Variants in MAP3K15 observed in about 807,000 individuals in gnomAD.
The protein encoded by MAP3K15 is MAPK/ERK kinase kinase 15.
In MAP3K15, 124 loss-of-function variants were observed where a neutral mutation model predicts 99.5. The observed-to-expected ratio is 1.25, with a 90% CI of 1.08 to 1.45. The LOEUF (loss-of-function observed/expected upper bound fraction) is 1.45. MAP3K15 is among the 40% of genes most tolerant of loss of function. MAP3K15 has a pLI of 0.00. For synonymous variants in MAP3K15, 494 were observed against 439.6 expected (o/e 1.12, Z -1.55); for missense variants, 1,242 against 1,079.7 (o/e 1.15, Z -2.11).
At chrX:19,400,926 G>A (rs763651354) in intron 13 of MAP3K15, among the ~76,000 whole-genome samples, 1 of 111,395 alleles carries the variant, frequency 9.0e-6, no homozygotes, top group African/African-American at 3.3e-5. Context: ...CAGCAACAGA[G>A]AACTCATTAC....
At chrX:19,481,456 C>T (rs58497637) in intron 3 of MAP3K15, among the ~76,000 whole-genome samples, 1,723 of 111,083 alleles carry the variant, frequency 0.016, 40 homozygotes, top group African/African-American at 0.053. Context: ...AGTCATACTT[C>T]ATGACCTTGG....
intron 6 of MAP3K15, among the ~76,000 whole-genome samples, chrX:19,452,925 C>T (rs1019548983): frequency 1.6e-4 from 18 of 110,338 alleles, no homozygotes; most frequent in African/African-American, 6.0e-4. Context: ...TCCAATGTGG[C>T]CCAGGGAAGC....
At chrX:19,378,003 C>T (rs892043367) in intron 19 of MAP3K15, among the ~76,000 whole-genome samples, 39 of 112,022 alleles carry the variant, frequency 3.5e-4, no homozygotes, top group African/African-American at 1.2e-3. Context: ...AGAGAGCAGC[C>T]AAGGCACCCA....
chrX:19,388,557 A>T (rs1345607878), intron 18 of MAP3K15, among the ~76,000 whole-genome samples: 3 of 112,419 alleles, frequency 2.7e-5, no homozygotes, highest in Admixed American at 9.4e-5. Flanking sequence ...TGCACTTGCT[A>T]TGTGCCAGGG....
intron 1 of MAP3K15, 137 bp from the exon 2 acceptor site, chrX:19,489,104 G>T: frequency 1.7e-6 from 1 of 574,276 alleles, no homozygotes; most frequent in Non-Finnish European, 2.6e-6. Flanking sequence ...GGAATGATTT[G>T]ATTAAAATTA....
In MAP3K15 at chrX:19,400,473, A is replaced by C. The variant is rs1158085522; in HGVS notation, c.1932+103T>G. 7.2e-6 allele frequency: 4 copies of C among 556,454 alleles called. No individual in the cohort carries two copies. The Admixed American group carries it at 1.3e-4, about 18-fold the overall frequency. The allele number at this position is 556,454 out of a possible 1,213,427, so 45.9% of individuals were successfully genotyped here. On this transcript the variant is annotated intron_variant, in intron 14 of 28. Coordinates refer to ENST00000338883, the MANE Select transcript of MAP3K15 (RefSeq NM_001001671.4). ...ATGCAGTGATGGCTGGCAGGTTCAT[A>C]AAACATACTCAACAGAGGATTTTTA...
intron 11 of MAP3K15, among the ~76,000 whole-genome samples, chrX:19,411,316 A>T (rs183449715): frequency 3.1e-3 from 350 of 112,657 alleles, no homozygotes; most frequent in African/African-American, 0.011. Context: ...GAATAGGCAC[A>T]TGACTAGTTT....
At chrX:19,421,544 G>A (rs916345538) in intron 9 of MAP3K15, among the ~76,000 whole-genome samples, 2 of 110,604 alleles carry the variant, frequency 1.8e-5, no homozygotes, top group Non-Finnish European at 3.8e-5. Flanking sequence ...ACAAGGAAAC[G>A]GAAGAACTTT....
intron 9 of MAP3K15, among the ~76,000 whole-genome samples, chrX:19,423,922 C>A (rs1028007811): frequency 3.6e-5 from 4 of 111,442 alleles, no homozygotes; most frequent in African/African-American, 1.3e-4. Context: ...CCAATAAAAA[C>A]CCTGGACATT....
chrX:19,504,663 A>C (rs2064463468), intron 1 of MAP3K15, among the ~76,000 whole-genome samples: 1 of 112,150 alleles, frequency 8.9e-6, no homozygotes, highest in Admixed American at 9.5e-5. Context: ...ATTTAATGCC[A>C]AAGGAAAAAG....
intron 15 of MAP3K15, among the ~76,000 whole-genome samples, chrX:19,397,282 T>A (rs2063573758): frequency 9.0e-6 from 1 of 111,153 alleles, no homozygotes; most frequent in Admixed American, 9.6e-5. Flanking sequence ...CAGTCCAAAA[T>A]CCATGTGTGA....
chrX:19,363,537 A>C (rs2063312075), intron 25 of MAP3K15, among the ~76,000 whole-genome samples: 1 of 112,324 alleles, frequency 8.9e-6, no homozygotes, highest in African/African-American at 3.2e-5. Context: ...TGATTATTTA[A>C]ACCTGGCTCC....
rs1602256487 is a variant in MAP3K15 at position 19,380,233 on chromosome X, GA to G, written c.2475del (p.Arg826AlafsTer78). The stretch of plus-strand genomic sequence containing the variant: ...ATATCGGCTGGGGCACCATATCCGC[GA>G]GGCCCTTGGTCAATTATCTCAGGTG... The part of the protein sequence containing the change: ...YMAPEIIDQG[P>X]RGYGAPADIW... On this transcript the variant is annotated frameshift_variant, in exon 19 of 29. Coordinates refer to ENST00000338883, the MANE Select transcript of MAP3K15 (RefSeq NM_001001671.4). LOFTEE classifies it high-confidence loss of function. 5 of 1,205,972 alleles carry G rather than the reference GA, an allele frequency of 4.1e-6. No individual in the cohort carries two copies. Among genetic ancestry groups the G allele is most frequent in the Non-Finnish European group, 4.5e-6 (4 of 893,414 alleles).
chrX:19,497,909 A>G (rs2064417561), intron 1 of MAP3K15, among the ~76,000 whole-genome samples: 1 of 111,840 alleles, frequency 8.9e-6, no homozygotes, highest in Admixed American at 9.6e-5. Context: ...CTTCAACCTC[A>G]GAATTTTGAA....
intron 9 of MAP3K15, 75 bp from the exon 10 acceptor site, chrX:19,415,332 C>T: frequency 1.0e-6 from 1 of 955,490 alleles, no homozygotes; most frequent in Non-Finnish European, 1.4e-6. Flanking sequence ...TTAAAAGAAG[C>T]TTTCCAAAAG....
chrX:19,486,558 C>T, intron 2 of MAP3K15, 53 bp from the exon 3 acceptor site: 1 of 622,852 alleles, frequency 1.6e-6, no homozygotes, highest in Non-Finnish European at 2.3e-6. Flanking sequence ...AGCTAATTTC[C>T]ATAAGCATTA....
At chrX:19,388,522 G>A (rs749295896) in intron 18 of MAP3K15, among the ~76,000 whole-genome samples, 4 of 112,324 alleles carry the variant, frequency 3.6e-5, no homozygotes, top group Non-Finnish European at 7.5e-5. Flanking sequence ...GTACAAGCGA[G>A]TATTTAATTA....
intron 1 of MAP3K15, among the ~76,000 whole-genome samples, chrX:19,490,534 G>A (rs1489401530): frequency 2.7e-5 from 3 of 110,694 alleles, no homozygotes; most frequent in Non-Finnish European, 5.7e-5. Flanking sequence ...GAATGCTTGA[G>A]CTCAGCAGTT....
At chrX:19,445,776 A>G (rs1199138153) in intron 6 of MAP3K15, among the ~76,000 whole-genome samples, 3 of 107,500 alleles carry the variant, frequency 2.8e-5, no homozygotes, top group Non-Finnish European at 5.8e-5. Flanking sequence ...GCGAAAGCCA[A>G]TATCTACTAA....
Sources: gnomAD v4.1 joint callset for allele counts (sites outside exome capture counted in the v4.1 genomes callset) on GRCh38, gnomAD v4.1.1 for gene constraint, MANE v1.5 for transcripts, NCBI Gene and HGNC (gene_info 2026-07-23, HGNC 2026-07-21) for gene names.